The following ADAMTSL1 variants were observed in gnomAD, a reference collection of about 807,000 sequenced individuals.
The protein encoded by ADAMTSL1 is ADAMTS like 1, also known as ADAMTS-like protein 1.
Under a neutral mutation model 201.8 loss-of-function variants are expected in ADAMTSL1, and 126 were observed. That is an observed-to-expected ratio of 0.62 (90% CI 0.54 to 0.72). ADAMTSL1 has a LOEUF of 0.72. ADAMTSL1 is among the 30% of genes least tolerant of loss of function. The probability of loss-of-function intolerance (pLI) is 0.00; values close to 1 mark genes in which losing one functional copy is unlikely to be tolerated. For missense variants in ADAMTSL1, 2,679 were observed against 2,277.8 expected (o/e 1.18, Z -3.59); for synonymous variants, 1,121 against 903.4 (o/e 1.24, Z -4.32).
intron 2 of ADAMTSL1, among the ~76,000 whole-genome samples, chr9:18,411,416 C>G (rs1818438909): frequency 6.6e-6 from 1 of 151,762 alleles, no homozygotes; most frequent in Non-Finnish European, 1.5e-5. Flanking sequence ...CCAGGCTGGT[C>G]TCAAACTCCT....
chr9:18,482,320 T>C (rs946726903), intron 1 of ADAMTSL1, among the ~76,000 whole-genome samples: 1 of 152,234 alleles, frequency 6.6e-6, no homozygotes, highest in African/African-American at 2.4e-5. Context: ...TTCTTCTATT[T>C]GTTTAAAGAA....
At chr9:18,651,692 A>T (rs1049036308) in intron 7 of ADAMTSL1, among the ~76,000 whole-genome samples, 3 of 152,190 alleles carry the variant, frequency 2.0e-5, no homozygotes, top group African/African-American at 4.8e-5. Flanking sequence ...TGCATCTTGG[A>T]GAATTCTAAG....
At chr9:17,924,634 G>A (rs1193366231) in intron 1 of ADAMTSL1, among the ~76,000 whole-genome samples, 319 of 148,718 alleles carry the variant, frequency 2.1e-3, no homozygotes, top group African/African-American at 7.6e-3. Flanking sequence ...ATGGTGCTGG[G>A]AAAACTGGCT....
intron 1 of ADAMTSL1, among the ~76,000 whole-genome samples, chr9:18,088,002 G>T (rs935928369): frequency 6.6e-6 from 1 of 152,002 alleles, no homozygotes; most frequent in Admixed American, 6.6e-5. Flanking sequence ...ATGATCTCAA[G>T]ATATATTACA....
intron 20 of ADAMTSL1, among the ~76,000 whole-genome samples, chr9:18,796,267 G>A (rs1269622276): frequency 5.3e-5 from 8 of 152,140 alleles, no homozygotes; most frequent in African/African-American, 1.2e-4. Flanking sequence ...CAGGCAACCC[G>A]AGGTCACACA....
intron 2 of ADAMTSL1, among the ~76,000 whole-genome samples, chr9:18,449,090 CGCATTTAT>C (rs1820307807): frequency 1.5e-5 from 2 of 130,556 alleles, no homozygotes; most frequent in Non-Finnish European, 3.5e-5. Context: ...TTTTAACTTC[CGCATTTAT>C]TCATGTGAGT....
intron 19 of ADAMTSL1, among the ~76,000 whole-genome samples, chr9:18,782,767 A>G (rs1821471943): frequency 6.6e-6 from 1 of 152,236 alleles, no homozygotes; most frequent in South Asian, 2.1e-4. Flanking sequence ...AATGATGACC[A>G]GTGCCCAGCA....
intron 1 of ADAMTSL1, among the ~76,000 whole-genome samples, chr9:17,928,374 AG>A (rs1826640550): frequency 1.3e-5 from 2 of 152,196 alleles, no homozygotes; most frequent in Admixed American, 1.3e-4. Flanking sequence ...TCCAGGAAAC[AG>A]TTCTTTTTGA....
chr9:18,535,875 C>T (rs577712845), intron 3 of ADAMTSL1, among the ~76,000 whole-genome samples: 1 of 152,210 alleles, frequency 6.6e-6, no homozygotes, highest in South Asian at 2.1e-4. Flanking sequence ...CAATTATCTC[C>T]ACCTGGTTCT....
intron 9 of ADAMTSL1, among the ~76,000 whole-genome samples, chr9:18,664,554 A>T (rs980108994): frequency 6.6e-6 from 1 of 152,122 alleles, no homozygotes; most frequent in Non-Finnish European, 1.5e-5. Flanking sequence ...CTAGCCACTG[A>T]GATATTTATT....
intron 10 of ADAMTSL1, 35 bp from the exon 11 acceptor site, chr9:18,680,277 C>A (rs753750570): frequency 6.3e-7 from 1 of 1,599,422 alleles, no homozygotes. Context: ...TAGCAATGTG[C>A]ATGTCTGCCC....
At chr9:18,234,925 A>T (rs965936813) in intron 2 of ADAMTSL1, among the ~76,000 whole-genome samples, 1 of 152,196 alleles carries the variant, frequency 6.6e-6, no homozygotes, top group Non-Finnish European at 1.5e-5. Context: ...GATTTTTGGA[A>T]ATGTTGCACA....
intron 2 of ADAMTSL1, among the ~76,000 whole-genome samples, chr9:18,209,293 A>T (rs1206468873): frequency 1.3e-5 from 2 of 152,036 alleles, no homozygotes; most frequent in Non-Finnish European, 2.9e-5. Context: ...GTTTATTATT[A>T]TGCATTATGT....
intron 1 of ADAMTSL1, among the ~76,000 whole-genome samples, chr9:18,476,427 C>G (rs574296746): frequency 6.6e-6 from 1 of 152,056 alleles, no homozygotes; most frequent in East Asian, 1.9e-4. Flanking sequence ...TGGTCTGTAC[C>G]CTTTGTTGCA....
intron 1 of ADAMTSL1, among the ~76,000 whole-genome samples, chr9:18,103,766 C>G (rs1397420030): frequency 6.6e-6 from 1 of 152,130 alleles, no homozygotes; most frequent in Non-Finnish European, 1.5e-5. Context: ...GAATTCTATT[C>G]AAGAACTTAA....
At chr9:18,333,819 G>A (rs921371073) in intron 2 of ADAMTSL1, among the ~76,000 whole-genome samples, 1 of 152,190 alleles carries the variant, frequency 6.6e-6, no homozygotes, top group African/African-American at 2.4e-5. Flanking sequence ...AGATTCTTCA[G>A]AGGGATTACT....
intron 2 of ADAMTSL1, among the ~76,000 whole-genome samples, chr9:18,422,862 C>CT (rs1819024515): frequency 6.6e-6 from 1 of 152,190 alleles, no homozygotes; most frequent in African/African-American, 2.4e-5. Flanking sequence ...TGGATGAAGA[C>CT]TTTATCACTT....
intron 5 of ADAMTSL1, among the ~76,000 whole-genome samples, chr9:18,629,401 C>T (rs1001296124): frequency 6.6e-6 from 1 of 152,138 alleles, no homozygotes; most frequent in Non-Finnish European, 1.5e-5. Flanking sequence ...TGCCCTTTAT[C>T]AGATTGAGGA....
intron 2 of ADAMTSL1, among the ~76,000 whole-genome samples, chr9:18,204,896 A>T (rs1332845593): frequency 6.6e-6 from 1 of 152,188 alleles, no homozygotes; most frequent in Non-Finnish European, 1.5e-5. Flanking sequence ...GTTCATTTAT[A>T]TCCACTGTAT....
Sources: gnomAD v4.1 joint callset for allele counts (sites outside exome capture counted in the v4.1 genomes callset) on GRCh38, gnomAD v4.1.1 for gene constraint, MANE v1.5 for transcripts, NCBI Gene and HGNC (gene_info 2026-07-23, HGNC 2026-07-21) for gene names.